Variants in GID4 observed in about 807,000 individuals in gnomAD.
The protein encoded by GID4 is glucose-induced degradation protein 4 homolog.
GID4 carries 7 observed loss-of-function variants against 32.4 expected under a neutral mutation model. That is an observed-to-expected ratio of 0.22 (90% CI 0.12 to 0.41). The LOEUF is 0.41. Ranked by LOEUF, GID4 falls within the 10% of genes least tolerant of loss-of-function variation. The pLI, the probability that GID4 is intolerant of heterozygous loss-of-function variation, is 1.00. For synonymous variants in GID4, 166 were observed against 170.0 expected, an observed-to-expected ratio of 0.98 and a Z score of 0.18; for missense variants, 309 against 400.0, an observed-to-expected ratio of 0.77 and a Z score of 1.94.
At chr17:18,040,759 GTTC>G (rs1255466641) in intron 1 of GID4, among the ~76,000 whole-genome samples, 2 of 152,088 alleles carry the variant, frequency 1.3e-5, no homozygotes, top group African/African-American at 4.8e-5. Flanking sequence ...CCTCTTTCCT[GTTC>G]TTAACTTTTC....
chr17:18,050,924 A>G (rs1688427066), intron 2 of GID4, among the ~76,000 whole-genome samples: 1 of 152,196 alleles, frequency 6.6e-6, no homozygotes, highest in African/African-American at 2.4e-5. Flanking sequence ...TTGGGCTGTA[A>G]TAAAGTGCTT....
chr17:18,068,043 A>G lies in GID4; in HGVS notation c.*2800A>G, dbSNP rs2045083454. ...TGGAAATCACAAACTCCAGAGGAGC[A>G]AAGGGGTTTTTCAATGTCTTTTGCT... On this transcript the variant is annotated 3_prime_UTR_variant, in exon 6 of 6. Transcript: ENST00000268719. 1 of 152,640 alleles carries G rather than the reference A, an allele frequency of 6.6e-6. No individual in the cohort carries two copies. The highest frequency in any genetic ancestry group is 1.5e-5 in the Non-Finnish European group (1 of 68,048). The allele number at this position is 152,640 out of a possible 1,614,324, so 9.5% of individuals were successfully genotyped here.
intron 2 of GID4, among the ~76,000 whole-genome samples, chr17:18,052,078 C>T (rs915224326): frequency 9.0e-6 from 1 of 110,882 alleles, no homozygotes; most frequent in African/African-American, 3.3e-5. Context: ...TGTCCCTCCC[C>T]CCAAAAAAAA....
Position 18,068,057 on chromosome 17 carries a change from A to G in GID4, c.*2814A>G, listed in dbSNP as rs929980794. 1 of 152,626 alleles carries G rather than the reference A, an allele frequency of 6.6e-6. No individual in the cohort carries two copies. Among genetic ancestry groups the G allele is most frequent in the East Asian group, 1.9e-4 (1 of 5,198 alleles). 9.5% of individuals were successfully genotyped at this position (152,626 alleles called of 1,614,324 possible). On this transcript the variant is annotated 3_prime_UTR_variant, in exon 6 of 6. Transcript: ENST00000268719. ...TCCAGAGGAGCAAAGGGGTTTTTCA[A>G]TGTCTTTTGCTTTCAGAAACAGAGA... is the stretch of plus-strand genomic sequence containing the variant.
intron 2 of GID4, among the ~76,000 whole-genome samples, chr17:18,045,665 T>C (rs2955353): frequency 0.59 from 90,045 of 151,410 alleles, 27,903 homozygotes; most frequent in Non-Finnish European, 0.68. Context: ...GAGCCTGAGG[T>C]GTGCAGATCA....
chr17:18,065,084 C>T (rs987661356), intron 5 of GID4, 96 bp from the exon 6 acceptor site: 29 of 850,740 alleles, frequency 3.4e-5, no homozygotes, highest in Non-Finnish European at 3.3e-5. Flanking sequence ...AAGTATGTGA[C>T]TTGTTGGGTG....
Position 18,067,182 on chromosome 17 carries a change from G to C in GID4, c.*1939G>C, listed in dbSNP as rs1178447979. 6.6e-6 allele frequency: 1 copy of C among 152,324 alleles called. No individual in the cohort carries two copies. Among genetic ancestry groups the C allele is most frequent in the Non-Finnish European group, 1.5e-5 (1 of 68,172 alleles). The allele number at this position is 152,324 out of a possible 1,614,324, so 9.4% of individuals were successfully genotyped here. A position where few individuals can be genotyped will look rare whatever the true frequency, so the allele number is the denominator to read the frequency against. On this transcript the variant is annotated 3_prime_UTR_variant, in exon 6 of 6. Coordinates refer to ENST00000268719, the MANE Select transcript of GID4 (RefSeq NM_024052.5). ...CTGTGCTGTCCTTCCTGCCGTACGT[G>C]CCATTCCACTCTCTTCAGCTCTCCC...
intron 1 of GID4, among the ~76,000 whole-genome samples, chr17:18,041,211 A>AC (rs1021736149): frequency 1.4e-5 from 2 of 139,858 alleles, no homozygotes; most frequent in African/African-American, 5.3e-5. Flanking sequence ...CCCCCGCCCC[A>AC]CCCCCCGGGG....
At chr17:18,042,204 T>G (rs1463219217) in intron 1 of GID4, among the ~76,000 whole-genome samples, 1 of 152,246 alleles carries the variant, frequency 6.6e-6, no homozygotes, top group Non-Finnish European at 1.5e-5. Context: ...TTATTTAAGG[T>G]GTACAATTCA....
rs921743240 is a variant in GID4, at chr17:18,051,892, A to G, written c.499-2235A>G. 4.6e-5 allele frequency among the ~76,000 whole-genome samples: 7 copies of G among 152,138 alleles called. 1 individual carries two copies. The highest frequency in any genetic ancestry group is 6.8e-3 in the Middle Eastern group (2 of 294). On this transcript the variant is annotated intron_variant, in intron 2 of 5. Transcript: ENST00000268719. ...GATCAAGACCGTCCTGGCTAACACC[A>G]TGAAACCCTGTCTCTACTAAAAATA... is the stretch of plus-strand genomic sequence containing the variant.
chr17:18,057,212 A>G (rs1218101572), intron 3 of GID4: 6 of 655,758 alleles, frequency 9.1e-6, no homozygotes, highest in Non-Finnish European at 1.5e-5. Flanking sequence ...CAGATGGATC[A>G]CCTGAGGTCA....
At chr17:18,055,406 C>T (rs1480053713) in intron 3 of GID4, among the ~76,000 whole-genome samples, 1 of 152,176 alleles carries the variant, frequency 6.6e-6, no homozygotes, top group Non-Finnish European at 1.5e-5. Flanking sequence ...GTGGAGAGAA[C>T]TCCCGCAGAC....
At chr17:18,045,547 T>A (rs1333042375) in intron 2 of GID4, among the ~76,000 whole-genome samples, 2 of 152,032 alleles carry the variant, frequency 1.3e-5, no homozygotes, top group Non-Finnish European at 1.5e-5. Flanking sequence ...TAAGCATCAG[T>A]CCTATAAAAA....
At chr17:18,048,398 T>C (rs1409001974) in intron 2 of GID4, among the ~76,000 whole-genome samples, 1 of 152,126 alleles carries the variant, frequency 6.6e-6, no homozygotes, top group Non-Finnish European at 1.5e-5. Flanking sequence ...TTCGCCATGT[T>C]GGCCAGACTG....
chr17:18,062,056 A>C, intron 5 of GID4, 81 bp downstream of exon 5: 1 of 1,329,328 alleles, frequency 7.5e-7, no homozygotes, highest in South Asian at 1.2e-5. Flanking sequence ...ACCCAAAAGC[A>C]ACATCTTAGC....
intron 2 of GID4, among the ~76,000 whole-genome samples, chr17:18,050,672 A>G (rs2044901020): frequency 6.6e-6 from 1 of 152,142 alleles, no homozygotes; most frequent in Non-Finnish European, 1.5e-5. Context: ...CTGTTGACTT[A>G]TTGGCCAATT....
chr17:18,058,841 T>C, intron 3 of GID4, 27 bp from the exon 4 acceptor site: 1 of 1,400,560 alleles, frequency 7.1e-7, no homozygotes, highest in Non-Finnish European at 1.0e-6. Flanking sequence ...TCTCAGTCAA[T>C]CGGCACACTC....
intron 1 of GID4, among the ~76,000 whole-genome samples, chr17:18,043,678 A>T (rs1054129343): frequency 2.0e-5 from 3 of 152,208 alleles, no homozygotes; most frequent in Admixed American, 1.3e-4. Context: ...TGCTGACATC[A>T]TCTGGTTGAC....
At position 18,065,451 on chromosome 17, in the gene GID4, T is replaced by C; in HGVS notation, c.*208T>C. 1.7e-6 allele frequency: 1 copy of C among 583,106 alleles called. No homozygotes were observed. Among genetic ancestry groups the C allele is most frequent in the South Asian group, 2.0e-5 (1 of 51,028 alleles). The allele number at this position is 583,106 out of a possible 1,614,324, so 36.1% of individuals were successfully genotyped here. A position where few individuals can be genotyped will look rare whatever the true frequency, so the allele number is the denominator to read the frequency against. ...TGGAGGGAGCAGTCTTCGTTCTTCC[T>C]CCCCTCAGTGGCAGTTTGGTCTTCA... On this transcript the variant is annotated 3_prime_UTR_variant, in exon 6 of 6. Coordinates refer to ENST00000268719, the MANE Select transcript of GID4 (RefSeq NM_024052.5).
Sources: gnomAD v4.1 joint callset for allele counts (sites outside exome capture counted in the v4.1 genomes callset) on GRCh38, gnomAD v4.1.1 for gene constraint, MANE v1.5 for transcripts, NCBI Gene and HGNC (gene_info 2026-07-23, HGNC 2026-07-21) for gene names.